The following SSBP3 variants were observed in gnomAD, a reference collection of about 807,000 sequenced individuals.
The protein encoded by SSBP3 is single-stranded DNA-binding protein 3.
A neutral mutation model predicts 69.6 loss-of-function variants in SSBP3; 5 were observed. The ratio of observed to expected loss-of-function variants is 0.07; its 90% CI spans 0.04 to 0.15. SSBP3 has a LOEUF of 0.15. Among genes scored for constraint, SSBP3 ranks in the 10% least tolerant of loss-of-function variants. The probability of loss-of-function intolerance (pLI) is 1.00; values close to 1 mark genes in which losing one functional copy is unlikely to be tolerated. For missense variants in SSBP3, 312 were observed against 534.0 expected, an observed-to-expected ratio of 0.58 and a Z score of 4.10; for synonymous variants, 196 against 193.4, an observed-to-expected ratio of 1.01 and a Z score of -0.11.
rs531402672 is a variant in SSBP3, at chr1:54,395,848, C to T, written c.276+6013G>A. Among the ~76,000 whole-genome samples the T allele has an allele frequency of 1.1e-4, 16 of 152,160 alleles. No homozygotes were observed. In the South Asian group the frequency reaches 2.7e-3, roughly 26 times the overall value. On this transcript the variant is annotated intron_variant, in intron 4 of 17. Coordinates refer to ENST00000610401, the Ensembl canonical transcript of SSBP3. ...GATTCAAAACCCAGGGAAAGAAATA[C>T]ACAACACAGACACAAACACTGCTAA...
chr1:54,371,699 C>A (rs994641405), intron 4 of SSBP3, among the ~76,000 whole-genome samples: 17 of 152,192 alleles, frequency 1.1e-4, no homozygotes, highest in Non-Finnish European at 2.9e-5. Context: ...ATGACAACTG[C>A]GTACAGGGAC....
At chr1:54,295,692 C>T (rs1645691892) in intron 4 of SSBP3, among the ~76,000 whole-genome samples, 1 of 152,208 alleles carries the variant, frequency 6.6e-6, no homozygotes, top group South Asian at 2.1e-4. Flanking sequence ...CTCATCTCAG[C>T]CTTTCTTCTC....
At chr1:54,351,372 T>G (rs143298884) in intron 4 of SSBP3, among the ~76,000 whole-genome samples, 1 of 152,286 alleles carries the variant, frequency 6.6e-6, no homozygotes, top group Non-Finnish European at 1.5e-5. Flanking sequence ...TTCCCAAGGT[T>G]ACCGGAAGGA....
intron 4 of SSBP3, among the ~76,000 whole-genome samples, chr1:54,317,573 C>CA (rs993085157): frequency 6.6e-6 from 1 of 151,360 alleles, no homozygotes; most frequent in Non-Finnish European, 1.5e-5. Flanking sequence ...GTTTATCAAA[C>CA]AAAAAAGCAT....
intron 7 of SSBP3, among the ~76,000 whole-genome samples, chr1:54,254,566 T>C (rs1644886380): frequency 6.6e-6 from 1 of 152,204 alleles, no homozygotes; most frequent in South Asian, 2.1e-4. Flanking sequence ...AGGGCCCTTT[T>C]CACTCCCCTC....
intron 4 of SSBP3, among the ~76,000 whole-genome samples, chr1:54,303,214 T>C (rs1181773631): frequency 6.6e-6 from 1 of 152,160 alleles, no homozygotes; most frequent in Non-Finnish European, 1.5e-5. Context: ...AGAGATGAGC[T>C]TGGGGTGGGG....
chr1:54,312,858 G>C (rs998845098), intron 4 of SSBP3, among the ~76,000 whole-genome samples: 20 of 152,116 alleles, frequency 1.3e-4, no homozygotes, highest in African/African-American at 4.8e-4. Context: ...CCTCCAGTGG[G>C]GGTTGATTGG....
chr1:54,271,261 C>A (rs1030140850), intron 5 of SSBP3, among the ~76,000 whole-genome samples: 1 of 152,088 alleles, frequency 6.6e-6, no homozygotes, highest in South Asian at 2.1e-4. Context: ...CAAGCCTATG[C>A]AACAAAGTCT....
chr1:54,332,009 A>C (rs1646425802), intron 4 of SSBP3, among the ~76,000 whole-genome samples: 2 of 152,202 alleles, frequency 1.3e-5, no homozygotes, highest in Non-Finnish European at 2.9e-5. Flanking sequence ...CTGCAAGGTC[A>C]CTGGAGGTTA....
chr1:54,243,709 G>GT (rs1227556253), intron 9 of SSBP3, among the ~76,000 whole-genome samples: 1 of 152,160 alleles, frequency 6.6e-6, no homozygotes, highest in Non-Finnish European at 1.5e-5. Context: ...CGAGGGGTGA[G>GT]TGTCAATGTG....
intron 14 of SSBP3, chr1:54,238,589 A>G (rs746608069): frequency 9.0e-5 from 30 of 334,964 alleles, no homozygotes; most frequent in South Asian, 1.1e-4. Context: ...GTAATCAGAA[A>G]TGGGGAAATG....
chr1:54,304,472 G>C (rs1295124201), intron 4 of SSBP3, among the ~76,000 whole-genome samples: 1 of 152,238 alleles, frequency 6.6e-6, no homozygotes, highest in African/African-American at 2.4e-5. Context: ...GCACGCAGCA[G>C]GAGTGAAGGG....
intron 4 of SSBP3, chr1:54,325,472 G>A (rs937793172): frequency 1.2e-5 from 2 of 167,076 alleles, no homozygotes; most frequent in African/African-American, 4.8e-5. Flanking sequence ...GGTCAGACAT[G>A]CCATACCAAA....
At chr1:54,274,350 G>C (rs994122286) in intron 5 of SSBP3, among the ~76,000 whole-genome samples, 4 of 150,436 alleles carry the variant, frequency 2.7e-5, no homozygotes, top group African/African-American at 9.8e-5. Flanking sequence ...TCACAGCAGG[G>C]AACAGCTTTT....
chr1:54,325,801 T>G (rs1320103258), intron 4 of SSBP3, among the ~76,000 whole-genome samples: 1 of 152,234 alleles, frequency 6.6e-6, no homozygotes, highest in Non-Finnish European at 1.5e-5. Flanking sequence ...ACTGTTTTTC[T>G]CTGGTTTCCT....
intron 4 of SSBP3, among the ~76,000 whole-genome samples, chr1:54,381,024 C>G (rs1260986752): frequency 1.3e-5 from 2 of 150,852 alleles, no homozygotes; most frequent in South Asian, 4.2e-4. Context: ...TACTCAGAGG[C>G]TGAAGCAGGA....
intron 4 of SSBP3, among the ~76,000 whole-genome samples, chr1:54,281,900 C>T (rs540662869): frequency 7.2e-5 from 11 of 152,086 alleles, no homozygotes; most frequent in Admixed American, 2.6e-4. Context: ...AGTTCGAGAC[C>T]GGCGCGGGCA....
chr1:54,408,389 T>G (rs919519475), upstream of SSBP3, among the ~76,000 whole-genome samples: 2 of 152,236 alleles, frequency 1.3e-5, no homozygotes, highest in African/African-American at 4.8e-5. Flanking sequence ...CTCATACCCT[T>G]GCCCTGGACT....
At chr1:54,228,683 GGAGCTGAGGCACA>G in intron 15 of SSBP3, 52 bp downstream of exon 15, 1 of 1,531,562 alleles carries the variant, frequency 6.5e-7, no homozygotes, top group South Asian at 1.2e-5. Flanking sequence ...AGCTGAGCCA[GGAGCTGAGGCACA>G]GAGCTGGCTG....
Sources: allele counts gnomAD v4.1 joint callset (sites outside exome capture counted in the v4.1 genomes callset), GRCh38; gene constraint gnomAD v4.1.1; transcripts MANE v1.5; gene names NCBI Gene and HGNC (gene_info 2026-07-23, HGNC 2026-07-21).